Variants in SPRED2 observed in about 807,000 individuals in gnomAD.
SPRED2 encodes the protein sprouty related EVH1 domain containing 2, also known as sprouty-related, EVH1 domain-containing protein 2.
Under a neutral mutation model 43.0 loss-of-function variants are expected in SPRED2, and 47 were observed. The observed-to-expected ratio is 1.09, with a 90% confidence interval of 0.87 to 1.40. The LOEUF (loss-of-function observed/expected upper bound fraction) is 1.40. Among genes scored for constraint, SPRED2 ranks in the 40% most tolerant of loss-of-function variants. The probability of loss-of-function intolerance (pLI) is 0.00; values close to 1 mark genes in which losing one functional copy is unlikely to be tolerated. For synonymous variants in SPRED2, 225 were observed against 225.7 expected, an observed-to-expected ratio of 1.00 and a Z score of 0.03; for missense variants, 561 against 586.4, an observed-to-expected ratio of 0.96 and a Z score of 0.45.
chr2:65,430,370 C>T (rs1337217730), intron 1 of SPRED2, among the ~76,000 whole-genome samples: 1 of 152,226 alleles, frequency 6.6e-6, no homozygotes, highest in Non-Finnish European at 1.5e-5. Context: ...GGGGTTACTG[C>T]AGTCAAAGTT....
intron 1 of SPRED2, among the ~76,000 whole-genome samples, chr2:65,386,144 G>T (rs954222347): frequency 5.9e-5 from 9 of 152,048 alleles, no homozygotes; most frequent in Admixed American, 6.6e-5. Flanking sequence ...AATTAGCTGG[G>T]CGTGGTAGCG....
chr2:65,341,126 T>C (rs1674171204), intron 2 of SPRED2, among the ~76,000 whole-genome samples: 1 of 150,188 alleles, frequency 6.7e-6, no homozygotes, highest in African/African-American at 2.5e-5. Context: ...TGTGTGTGTG[T>C]GTGCATGTGC....
chr2:65,429,415 A>G (rs945907872), intron 1 of SPRED2, among the ~76,000 whole-genome samples: 2 of 152,240 alleles, frequency 1.3e-5, no homozygotes, highest in Admixed American at 6.5e-5. Context: ...AAAACAGATC[A>G]AATTCACCCA....
chr2:65,401,512 T>C (rs1218980982), intron 1 of SPRED2, among the ~76,000 whole-genome samples: 5 of 151,684 alleles, frequency 3.3e-5, no homozygotes, highest in Admixed American at 6.6e-5. Context: ...CAAGAAGGTA[T>C]TGGCCAGGCG....
rs1673097112 is a variant in SPRED2, at chr2:65,312,489, A to G, written c.*1012T>C. 1 of 985,430 alleles carries G rather than the reference A, an allele frequency of 1.0e-6. No individual in the cohort carries two copies. The allele number at this position is 985,430 out of a possible 1,614,324, so 61.0% of individuals were successfully genotyped here. A position where few individuals can be genotyped will look rare whatever the true frequency, so the allele number is the denominator to read the frequency against. On this transcript the variant is annotated 3_prime_UTR_variant, in exon 6 of 6. Transcript: ENST00000356388. ...AGCTCCCTATGGTTTTATTCACCAT[A>G]ACCTTAGTGTTTCTCAACTGGAACT...
In SPRED2 at chr2:65,312,672, G is replaced by C. The variant is rs963097278; in HGVS notation, c.*829C>G. On this transcript the variant is annotated 3_prime_UTR_variant, in exon 6 of 6. Coordinates refer to ENST00000356388, the MANE Select transcript of SPRED2 (RefSeq NM_181784.3). Reference sequence around the variant, plus strand: ...AAATGTTCTACTTTAGGGGTAATGGGGAGGCTCATAGAAACCTGAAATCCC... The same window carrying C: ...AAATGTTCTACTTTAGGGGTAATGGCGAGGCTCATAGAAACCTGAAATCCC... The C allele has an allele frequency of 1.0e-6, 1 of 985,708 alleles. No individual in the cohort carries two copies. The highest frequency in any genetic ancestry group is 1.7e-5 in the African/African-American group (1 of 57,230). 61.1% of individuals were successfully genotyped at this position (985,708 alleles called of 1,614,324 possible). A position where few individuals can be genotyped will look rare whatever the true frequency, so the allele number is the denominator to read the frequency against.
intron 1 of SPRED2, among the ~76,000 whole-genome samples, chr2:65,388,484 T>G (rs1167154453): frequency 1.3e-5 from 2 of 152,188 alleles, no homozygotes; most frequent in East Asian, 3.9e-4. Flanking sequence ...GCCCATGGGC[T>G]TACGGCTCCA....
intron 4 of SPRED2, among the ~76,000 whole-genome samples, chr2:65,323,995 A>G (rs1319569471): frequency 2.0e-5 from 3 of 151,764 alleles, no homozygotes; most frequent in African/African-American, 7.3e-5. Flanking sequence ...GCACGGGAAG[A>G]GGCAAGGCCA....
chr2:65,362,756 G>A (rs1331759355), intron 1 of SPRED2, among the ~76,000 whole-genome samples: 2 of 151,976 alleles, frequency 1.3e-5, no homozygotes, highest in Non-Finnish European at 2.9e-5. Context: ...TACTTGGGAG[G>A]CTGAGGCAGG....
chr2:65,372,904 T>G (rs886994089), intron 1 of SPRED2, among the ~76,000 whole-genome samples: 1 of 152,188 alleles, frequency 6.6e-6, no homozygotes, highest in African/African-American at 2.4e-5. Context: ...TCTGTAAAAT[T>G]CTAAGAATAG....
intron 1 of SPRED2, among the ~76,000 whole-genome samples, chr2:65,431,484 G>A (rs1258142581): frequency 3.0e-4 from 46 of 152,196 alleles, no homozygotes; most frequent in Non-Finnish European, 1.2e-4. Flanking sequence ...GTATGCAAAT[G>A]AGAGCGATTC....
intron 1 of SPRED2, among the ~76,000 whole-genome samples, chr2:65,410,155 TG>T (rs1676121710): frequency 6.6e-6 from 1 of 152,086 alleles, no homozygotes; most frequent in South Asian, 2.1e-4. Flanking sequence ...GAGGATAACT[TG>T]AGCCCAGGAG....
In SPRED2 at chr2:65,362,551, TAA is replaced by T. The variant is rs1223184939; in HGVS notation, c.27-17657_27-17656del. On this transcript the variant is annotated intron_variant, in intron 1 of 5. Coordinates refer to ENST00000356388, the MANE Select transcript of SPRED2 (RefSeq NM_181784.3). Reference sequence around the variant, plus strand: ...TCCCAAAGTGTTGGGATTACAGGCGTAAGCCACTGCGCCCGGCCGTCACCTGT... The same window carrying T: ...TCCCAAAGTGTTGGGATTACAGGCGTGCCACTGCGCCCGGCCGTCACCTGT... Among the ~76,000 whole-genome samples, 5 of 152,032 alleles carry T rather than the reference TAA, an allele frequency of 3.3e-5. No homozygotes were observed. The East Asian group carries it at 9.8e-4, about 30-fold the overall frequency.
At chr2:65,371,137 C>T (rs952192625) in intron 1 of SPRED2, among the ~76,000 whole-genome samples, 1 of 152,148 alleles carries the variant, frequency 6.6e-6, no homozygotes, top group Non-Finnish European at 1.5e-5. Flanking sequence ...AAATGAAGAA[C>T]GTGCCTCAAA....
rs541373769 is a variant in SPRED2, at chr2:65,418,928, T to A, written c.26+13034A>T. ...ATAAGTAAGAATAAAAGTCTTTTTT[T>A]AAAAAATATAAATTCTGCTTGCAAT... is the stretch of plus-strand genomic sequence containing the variant. On this transcript the variant is annotated intron_variant, in intron 1 of 5. Transcript: ENST00000356388. Among the ~76,000 whole-genome samples, 139 of 152,272 alleles carry A rather than the reference T, an allele frequency of 9.1e-4. 3 individuals carry two copies. The South Asian group carries it at 0.012, about 13-fold the overall frequency.
At position 65,313,308 on chromosome 2, in the gene SPRED2, G is replaced by T; in HGVS notation, c.*193C>A. 7.0e-7 allele frequency: 1 copy of T among 1,433,006 alleles called. No individual in the cohort carries two copies. The highest frequency in any genetic ancestry group is 9.1e-7 in the Non-Finnish European group (1 of 1,099,816). The allele number at this position is 1,433,006 out of a possible 1,614,324, so 88.8% of individuals were successfully genotyped here. Reference sequence around the variant, plus strand: ...TGTATGGATGTGGCTGCTGCAGTGTGGGCGGCAGGGGGAGTGGAGAGTCTA... The same window carrying T: ...TGTATGGATGTGGCTGCTGCAGTGTTGGCGGCAGGGGGAGTGGAGAGTCTA... On this transcript the variant is annotated 3_prime_UTR_variant, in exon 6 of 6. Transcript: ENST00000356388.
At chr2:65,340,874 A>G (rs1411959751) in intron 2 of SPRED2, among the ~76,000 whole-genome samples, 1 of 152,214 alleles carries the variant, frequency 6.6e-6, no homozygotes, top group Non-Finnish European at 1.5e-5. Flanking sequence ...CCTAAAAATA[A>G]TCTTCATCTT....
At chr2:65,364,000 C>G (rs560415169) in intron 1 of SPRED2, among the ~76,000 whole-genome samples, 1 of 152,202 alleles carries the variant, frequency 6.6e-6, no homozygotes, top group East Asian at 1.9e-4. Context: ...AAAGGAAAAA[C>G]AAAAATCTTT....
chr2:65,367,782 C>T (rs1029801879), intron 1 of SPRED2, among the ~76,000 whole-genome samples: 8 of 152,214 alleles, frequency 5.3e-5, no homozygotes, highest in Non-Finnish European at 8.8e-5. Context: ...TGACTATACC[C>T]AGCTTCCTTA....
Sources: allele counts gnomAD v4.1 joint callset (sites outside exome capture counted in the v4.1 genomes callset), GRCh38; gene constraint gnomAD v4.1.1; transcripts MANE v1.5; gene names NCBI Gene and HGNC (gene_info 2026-07-23, HGNC 2026-07-21).